The following C7orf57 variants were observed in gnomAD, a reference collection of about 807,000 sequenced individuals.
C7orf57 encodes chromosome 7 open reading frame 57.
A neutral mutation model predicts 39.0 loss-of-function variants in C7orf57; 33 were observed. That is an observed-to-expected ratio of 0.85 (90% confidence interval 0.64 to 1.13). C7orf57 has a LOEUF of 1.13. Among genes scored for constraint, C7orf57 ranks in the 50% most tolerant of loss-of-function variants. The pLI, the probability that C7orf57 is intolerant of heterozygous loss-of-function variation, is 0.00. For missense variants in C7orf57, 346 were observed against 362.3 expected (o/e 0.95, Z 0.37); for synonymous variants, 124 against 137.1 (o/e 0.90, Z 0.67).
chr7:48,051,817 C>CTCTTTCT, intron 6 of C7orf57, among the ~76,000 whole-genome samples: 1 of 51,178 alleles, frequency 2.0e-5, no homozygotes, highest in East Asian at 4.5e-4. Context: ...CTTTTCTCTT[C>CTCTTTCT]TCTTTCTTTC....
Position 48,036,380 on chromosome 7 carries a change from C to G in C7orf57, c.55+17C>G. On this transcript the variant is annotated intron_variant, in intron 2 of 8. Coordinates refer to ENST00000348904, the MANE Select transcript of C7orf57 (RefSeq NM_001100159.3). ...CTCCCTGCGGTGAGTGCGCCCTGAG[C>G]GCGTCCCGGCCAGAAAGAGCTGGGT... is the stretch of plus-strand genomic sequence containing the variant. 1 of 1,560,338 alleles carries G rather than the reference C, an allele frequency of 6.4e-7. No individual in the cohort carries two copies. The highest frequency in any genetic ancestry group is 8.7e-7 in the Non-Finnish European group (1 of 1,153,718).
intron 5 of C7orf57, among the ~76,000 whole-genome samples, chr7:48,048,756 C>T (rs537519939): frequency 2.2e-4 from 32 of 144,570 alleles, no homozygotes; most frequent in Admixed American, 1.0e-3. Flanking sequence ...TCCCCTGCCC[C>T]TTGCAAGCCC....
Position 48,049,985 on chromosome 7 carries a change from CT to C in C7orf57, c.605+10del, listed in dbSNP as rs540669500. ...ACTCTCCTTCCCCCCCGTGTAAGTG[CT>C]TGAGCTACGCCCTCACTGTCTGGAC... On this transcript the variant is annotated intron_variant, in intron 6 of 8. Transcript: ENST00000348904. 2.7e-4 allele frequency: 429 copies of C among 1,572,112 alleles called. 1 individual carries two copies. The African/African-American group carries it at 5.4e-3, about 20-fold the overall frequency.
At chr7:48,045,668 C>A (rs150717192) in intron 4 of C7orf57, among the ~76,000 whole-genome samples, 181 of 152,286 alleles carry the variant, frequency 1.2e-3, no homozygotes, top group African/African-American at 3.9e-3. Flanking sequence ...ATGGGGGCAT[C>A]CCTGCAGCCC....
At position 48,060,477 on chromosome 7, in the gene C7orf57, C is replaced by G. The variant is rs1007246072; in HGVS notation, c.*205C>G. Reference sequence around the variant, plus strand: ...TTGCATTTCTCTGGGATGTGAAACACTTGGCTAACAAACACAACTAAGGCC... The same window carrying G: ...TTGCATTTCTCTGGGATGTGAAACAGTTGGCTAACAAACACAACTAAGGCC... On this transcript the variant is annotated 3_prime_UTR_variant, in exon 9 of 9. Coordinates refer to ENST00000348904, the MANE Select transcript of C7orf57 (RefSeq NM_001100159.3). The G allele has an allele frequency of 4.6e-6, 2 of 437,642 alleles. No individual in the cohort carries two copies. The allele number at this position is 437,642 out of a possible 1,614,324, so 27.1% of individuals were successfully genotyped here.
chr7:48,036,325 AG>A lies in C7orf57; in HGVS notation c.19del (p.Glu7AsnfsTer20). MRNTS[K>X]ELQGATHRYA... ...CGCCTGACCATGAGGAACACAAGCA[AG>A]GAACTTCAGGGCGCCACGCACCGCT... On this transcript the variant is annotated frameshift_variant, in exon 2 of 9. Transcript: ENST00000348904. LOFTEE classifies it high-confidence loss of function. 6.3e-7 allele frequency: 1 copy of A among 1,590,614 alleles called. No individual in the cohort carries two copies.
In C7orf57 at chr7:48,041,481, C is replaced by G. The variant is rs200648424; in HGVS notation, c.203C>G (p.Ser68Trp). The part of the protein sequence containing the change: ...TRRYWIKETD[S>W]EYVKLAKQGG... ...AGATACTGGATAAAAGAAACAGATT[C>G]GGAATATGTGAAGCTCGCGAAACAA... is the stretch of plus-strand genomic sequence containing the variant. The change falls in exon 3 of 9, where the codon TCG (serine) becomes TGG (tryptophan). Residue 68 changes from serine to tryptophan, a missense_variant. Ser to Trp is a radical substitution (Grantham distance 177). Transcript: ENST00000348904. The G allele has an allele frequency of 1.9e-6, 3 of 1,612,958 alleles. No homozygotes were observed. The African/African-American group carries it at 4.0e-5, about 22-fold the overall frequency.
chr7:48,057,258 A>G (rs934726733), intron 8 of C7orf57, among the ~76,000 whole-genome samples: 2 of 152,060 alleles, frequency 1.3e-5, no homozygotes, highest in African/African-American at 2.4e-5. Context: ...TGATCCATGT[A>G]TGTAGGCTAT....
intron 2 of C7orf57, among the ~76,000 whole-genome samples, chr7:48,040,502 C>A (rs1379931246): frequency 1.3e-5 from 2 of 152,208 alleles, no homozygotes; most frequent in African/African-American, 2.4e-5. Context: ...TTTTCAGGAA[C>A]CATCTAGACC....
chr7:48,055,451 CT>C (rs1002054255), intron 8 of C7orf57, among the ~76,000 whole-genome samples: 1 of 152,026 alleles, frequency 6.6e-6, no homozygotes, highest in African/African-American at 2.4e-5. Context: ...AATACTTACC[CT>C]TTTTTTGTGG....
intron 5 of C7orf57, among the ~76,000 whole-genome samples, chr7:48,049,121 T>C (rs1259084379): frequency 6.6e-6 from 1 of 152,090 alleles, no homozygotes; most frequent in Non-Finnish European, 1.5e-5. Flanking sequence ...CACATAAACA[T>C]TCCAAGCTTC....
At chr7:48,043,938 G>A (rs775263841) in intron 4 of C7orf57, among the ~76,000 whole-genome samples, 4 of 152,104 alleles carry the variant, frequency 2.6e-5, no homozygotes, top group Non-Finnish European at 5.9e-5. Flanking sequence ...ATGGTGGCAA[G>A]CCTTTTGTTC....
In C7orf57 at chr7:48,038,381, C is replaced by CATATATATATATAT. The variant is rs142265532; in HGVS notation, c.55+2023_55+2024insTATATATATATATA. On this transcript the variant is annotated intron_variant, in intron 2 of 8. Coordinates refer to ENST00000348904, the MANE Select transcript of C7orf57 (RefSeq NM_001100159.3). Reference sequence around the variant, plus strand: ...ATATCCATGTCTATCTTTCTATATACATATAGATAGATAGATAGATAGATA... The same window carrying CATATATATATATAT: ...ATATCCATGTCTATCTTTCTATATACATATATATATATATATATAGATAGATAGATAGATAGATA... Among the ~76,000 whole-genome samples the CATATATATATATAT allele has an allele frequency of 1.6e-4, 21 of 129,016 alleles. No individual in the cohort carries two copies. The East Asian group carries it at 1.9e-3, about 12-fold the overall frequency. 84.6% of individuals were successfully genotyped at this position (129,016 alleles called of 152,430 possible).
At chr7:48,051,343 G>A (rs1790870309) in intron 6 of C7orf57, among the ~76,000 whole-genome samples, 1 of 51,890 alleles carries the variant, frequency 1.9e-5, no homozygotes, top group Non-Finnish European at 3.9e-5. Context: ...ACCACAGCTG[G>A]CTAATTTTTT....
chr7:48,060,910 A>G lies in C7orf57; in HGVS notation c.*638A>G, dbSNP rs1791271413. 6.6e-6 allele frequency: 1 copy of G among 152,168 alleles called. No individual in the cohort carries two copies. Among genetic ancestry groups the G allele is most frequent in the Non-Finnish European group, 1.5e-5 (1 of 68,014 alleles). 9.4% of individuals were successfully genotyped at this position (152,168 alleles called of 1,614,324 possible). ...TAAAAATATGCTGTTTTAATATTTA[A>G]TTTAGTAGAATTAACAAAAACTTTT... On this transcript the variant is annotated 3_prime_UTR_variant, in exon 9 of 9. Coordinates refer to ENST00000348904, the MANE Select transcript of C7orf57 (RefSeq NM_001100159.3).
Position 48,060,872 on chromosome 7 carries a change from A to G in C7orf57, c.*600A>G, listed in dbSNP as rs993686518. ...AAATATTAAACATTTGTTATTTTGTATAAACCTTTAAGTAAAAATATGCTG... is the reference window on the plus strand; with the variant it reads ...AAATATTAAACATTTGTTATTTTGTGTAAACCTTTAAGTAAAAATATGCTG... On this transcript the variant is annotated 3_prime_UTR_variant, in exon 9 of 9. Transcript: ENST00000348904. 3.9e-5 allele frequency: 6 copies of G among 152,170 alleles called. No homozygotes were observed. Among genetic ancestry groups the G allele is most frequent in the African/African-American group, 1.4e-4 (6 of 41,456 alleles). 9.4% of individuals were successfully genotyped at this position (152,170 alleles called of 1,614,324 possible).
intron 2 of C7orf57, 108 bp from the exon 3 acceptor site, chr7:48,041,226 G>T: frequency 3.9e-6 from 4 of 1,018,462 alleles, no homozygotes; most frequent in Admixed American, 2.8e-5. Flanking sequence ...TCTGTGGCTT[G>T]CACTGCCCCA....
chr7:48,054,596 G>A lies in C7orf57; in HGVS notation c.831G>A (p.Glu277=). ...CAACGAATGTACTTTTTATTACAGAGTCTTCTCAAAGTGAGTACTTATAAA... is the reference window on the plus strand; with the variant it reads ...CAACGAATGTACTTTTTATTACAGAATCTTCTCAAAGTGAGTACTTATAAA... The part of the protein sequence containing the change: ...EASEGPEDTP[E]SSQSPEESVS... The change falls in exon 8 of 9, where the codon GAG becomes GAA. Residue 277 remains glutamate, a splice_region_variant and synonymous_variant. Transcript: ENST00000348904. The A allele has an allele frequency of 1.3e-6, 2 of 1,549,058 alleles. No homozygotes were observed. The highest frequency in any genetic ancestry group is 1.7e-6 in the Non-Finnish European group (2 of 1,144,876).
chr7:48,052,055 C>T (rs1360829916), intron 6 of C7orf57, among the ~76,000 whole-genome samples: 1 of 150,734 alleles, frequency 6.6e-6, no homozygotes, highest in Non-Finnish European at 1.5e-5. Flanking sequence ...CTCACTGCAA[C>T]CTCCGCCTCC....
Sources: allele counts gnomAD v4.1 joint callset (sites outside exome capture counted in the v4.1 genomes callset), GRCh38; gene constraint gnomAD v4.1.1; transcripts MANE v1.5; gene names NCBI Gene and HGNC (gene_info 2026-07-23, HGNC 2026-07-21).